Variants in PRKG1 observed in about 807,000 individuals in gnomAD.
PRKG1 encodes protein kinase cGMP-dependent 1, also known as cGMP-dependent protein kinase 1.
A neutral mutation model predicts 88.1 loss-of-function variants in PRKG1; 35 were observed. The ratio of observed to expected loss-of-function variants is 0.40; its 90% CI spans 0.30 to 0.53. The LOEUF is 0.53. Among genes scored for constraint, PRKG1 ranks in the 20% least tolerant of loss-of-function variants. The pLI is 0.59. For missense variants in PRKG1, 540 were observed against 839.8 expected (o/e 0.64, Z 4.41); for synonymous variants, 303 against 292.5 (o/e 1.04, Z -0.37).
intron 6 of PRKG1, among the ~76,000 whole-genome samples, chr10:52,057,754 C>A (rs1182288892): frequency 4.6e-5 from 7 of 151,930 alleles, no homozygotes; most frequent in Admixed American, 4.6e-4. Context: ...TTTAAACATG[C>A]CAATTAAATA....
At chr10:52,287,143 A>G (rs74133307) in intron 14 of PRKG1, among the ~76,000 whole-genome samples, 2,076 of 152,150 alleles carry the variant, frequency 0.014, 45 homozygotes, top group African/African-American at 0.048. Context: ...ATTAGAAATC[A>G]TTGCCAAGAT....
intron 2 of PRKG1, among the ~76,000 whole-genome samples, chr10:51,261,309 A>T (rs964893666): frequency 5.3e-5 from 8 of 152,256 alleles, no homozygotes; most frequent in African/African-American, 1.9e-4. Flanking sequence ...ATATTCCTAG[A>T]GCCTAAAATC....
intron 7 of PRKG1, chr10:52,125,861 A>C (rs555886401): frequency 6.6e-6 from 1 of 152,234 alleles, no homozygotes; most frequent in African/African-American, 2.4e-5. Flanking sequence ...GGCATATCAG[A>C]ATTGCCAGCA....
At chr10:51,003,445 C>T (rs1010063704) in intron 1 of PRKG1, among the ~76,000 whole-genome samples, 2 of 152,126 alleles carry the variant, frequency 1.3e-5, no homozygotes, top group African/African-American at 2.4e-5. Context: ...CTCTGGGCTT[C>T]TTGATATTAG....
intron 3 of PRKG1, among the ~76,000 whole-genome samples, chr10:51,665,183 G>T (rs1004545504): frequency 6.6e-6 from 1 of 152,094 alleles, no homozygotes; most frequent in Non-Finnish European, 1.5e-5. Flanking sequence ...ATGATTAGAT[G>T]AGTTAAGCAA....
intron 5 of PRKG1, among the ~76,000 whole-genome samples, chr10:52,007,800 C>G (rs1372603757): frequency 6.6e-6 from 1 of 152,142 alleles, no homozygotes; most frequent in Non-Finnish European, 1.5e-5. Context: ...CAGAACTCTC[C>G]ACCTAAAAGC....
At chr10:51,290,084 A>T (rs10082353) in intron 2 of PRKG1, among the ~76,000 whole-genome samples, 59,104 of 151,838 alleles carry the variant, frequency 0.39, 11,715 homozygotes, top group Admixed American at 0.49. Flanking sequence ...TCAGAGCATC[A>T]TTATCAACTT....
intron 3 of PRKG1, among the ~76,000 whole-genome samples, chr10:51,707,623 C>T (rs1841643266): frequency 6.6e-6 from 1 of 151,386 alleles, no homozygotes; most frequent in Non-Finnish European, 1.5e-5. Context: ...AACAATACAA[C>T]ACCTCACTTC....
intron 2 of PRKG1, among the ~76,000 whole-genome samples, chr10:51,337,649 A>C (rs1436196564): frequency 6.6e-6 from 1 of 152,226 alleles, no homozygotes; most frequent in Non-Finnish European, 1.5e-5. Context: ...ATATGAAAAA[A>C]AGCTCAACAT....
chr10:51,964,637 A>C (rs1332441192), intron 5 of PRKG1, among the ~76,000 whole-genome samples: 1 of 152,228 alleles, frequency 6.6e-6, no homozygotes, highest in East Asian at 1.9e-4. Context: ...ATATACTAAC[A>C]ATAAAAATAG....
chr10:51,920,038 A>G (rs1842429416), intron 5 of PRKG1, among the ~76,000 whole-genome samples: 1 of 152,156 alleles, frequency 6.6e-6, no homozygotes, highest in Non-Finnish European at 1.5e-5. Flanking sequence ...TATTACCACA[A>G]CTAGATTAAA....
At chr10:51,083,239 G>T (rs112649470) in intron 1 of PRKG1, among the ~76,000 whole-genome samples, 65 of 152,304 alleles carry the variant, frequency 4.3e-4, no homozygotes, top group African/African-American at 1.5e-3. Context: ...CAGTGGGTAA[G>T]TTTGTTTCCC....
chr10:52,267,724 A>G (rs1371272802), intron 10 of PRKG1, among the ~76,000 whole-genome samples: 4 of 152,064 alleles, frequency 2.6e-5, no homozygotes, highest in Non-Finnish European at 5.9e-5. Context: ...CTGACTTGTA[A>G]TCAGTATCTT....
chr10:51,178,617 A>G (rs1195805139), intron 2 of PRKG1, among the ~76,000 whole-genome samples: 2 of 152,184 alleles, frequency 1.3e-5, no homozygotes, highest in Admixed American at 1.3e-4. Context: ...GGCCTGGAAG[A>G]CAGAGTGAGA....
chr10:51,412,868 G>A (rs1233352418), intron 2 of PRKG1, among the ~76,000 whole-genome samples: 1 of 152,142 alleles, frequency 6.6e-6, no homozygotes, highest in Non-Finnish European at 1.5e-5. Context: ...TTAAGTGTAG[G>A]TGGAAAGAAG....
At chr10:51,587,398 C>T (rs1044429375) in intron 3 of PRKG1, among the ~76,000 whole-genome samples, 5 of 152,132 alleles carry the variant, frequency 3.3e-5, no homozygotes, top group African/African-American at 1.2e-4. Flanking sequence ...ATCCTCATTC[C>T]GTGTCAGGAT....
intron 4 of PRKG1, among the ~76,000 whole-genome samples, chr10:51,859,493 A>T (rs1248439412): frequency 6.6e-6 from 1 of 151,952 alleles, no homozygotes; most frequent in South Asian, 2.1e-4. Flanking sequence ...GCAGCCCTTG[A>T]TCTGATCCTG....
At chr10:51,321,562 T>G (rs551537101) in intron 2 of PRKG1, among the ~76,000 whole-genome samples, 2 of 152,062 alleles carry the variant, frequency 1.3e-5, no homozygotes, top group South Asian at 4.2e-4. Context: ...AACTAAAAAT[T>G]AAAAGCAGTT....
chr10:51,695,696 G>A (rs1841271409), intron 3 of PRKG1: 1 of 152,136 alleles, frequency 6.6e-6, no homozygotes, highest in Admixed American at 6.5e-5. Context: ...ATATAGGGGA[G>A]GCATATAGGA....
Sources: allele counts gnomAD v4.1 joint callset (sites outside exome capture counted in the v4.1 genomes callset), GRCh38; gene constraint gnomAD v4.1.1; transcripts MANE v1.5; gene names NCBI Gene and HGNC (gene_info 2026-07-23, HGNC 2026-07-21).